The following RNF150 variants were observed in gnomAD, a reference collection of about 807,000 sequenced individuals.
The protein encoded by RNF150 is ring finger protein 150.
A neutral mutation model predicts 39.3 loss-of-function variants in RNF150; 24 were observed. That is an observed-to-expected ratio of 0.61 (90% CI 0.44 to 0.86). The LOEUF is 0.86. Among genes scored for constraint, RNF150 ranks in the 40% least tolerant of loss-of-function variants. The pLI is 0.00. For missense variants in RNF150, 502 were observed against 587.8 expected (o/e 0.85, Z 1.51); for synonymous variants, 255 against 227.3 (o/e 1.12, Z -1.10).
At chr4:141,198,278 C>T (rs376418728) in intron 1 of RNF150, among the ~76,000 whole-genome samples, 9 of 152,062 alleles carry the variant, frequency 5.9e-5, no homozygotes, top group Non-Finnish European at 8.8e-5. Flanking sequence ...CCACCTGCCT[C>T]GGCCTCCCAA....
intron 1 of RNF150, among the ~76,000 whole-genome samples, chr4:141,001,427 A>G (rs1382671549): frequency 1.3e-5 from 2 of 152,142 alleles, no homozygotes; most frequent in African/African-American, 4.8e-5. Flanking sequence ...GTCATTACTG[A>G]ATAAAGACTT....
chr4:140,927,528 C>T (rs1237831129), intron 4 of RNF150, among the ~76,000 whole-genome samples: 1 of 152,192 alleles, frequency 6.6e-6, no homozygotes, highest in Non-Finnish European at 1.5e-5. Flanking sequence ...CTGGCTCTCT[C>T]TTTGCCTTCT....
intron 2 of RNF150, among the ~76,000 whole-genome samples, chr4:140,960,884 C>T (rs2111404675): frequency 6.6e-6 from 1 of 152,220 alleles, no homozygotes. Flanking sequence ...AAACGTGACC[C>T]ATTTAACAAC....
At chr4:141,111,851 G>A (rs1030597012) in intron 1 of RNF150, among the ~76,000 whole-genome samples, 3 of 152,174 alleles carry the variant, frequency 2.0e-5, no homozygotes, top group East Asian at 1.9e-4. Flanking sequence ...TAAGAGTGTC[G>A]TGCTTTTATT....
chr4:141,076,429 G>A (rs1175650422), intron 1 of RNF150, among the ~76,000 whole-genome samples: 2 of 152,142 alleles, frequency 1.3e-5, no homozygotes, highest in Non-Finnish European at 2.9e-5. Context: ...TCAGGCCACA[G>A]GTTCTGAAGC....
intron 2 of RNF150, among the ~76,000 whole-genome samples, chr4:140,958,408 C>T (rs924687228): frequency 4.0e-4 from 61 of 152,176 alleles, no homozygotes; most frequent in African/African-American, 1.3e-3. Flanking sequence ...ACTGGCAACC[C>T]GCCCCTGGGT....
chr4:141,109,935 T>C (rs1410438248), intron 1 of RNF150, among the ~76,000 whole-genome samples: 2 of 152,160 alleles, frequency 1.3e-5, no homozygotes, highest in Non-Finnish European at 2.9e-5. Context: ...CAGTAGCCTC[T>C]GGCTTGCTGA....
rs958329518 is a variant in RNF150 at position 140,904,209 on chromosome 4, G to A, written c.1198+6935C>T. Among the ~76,000 whole-genome samples, 23 of 152,264 alleles carry A rather than the reference G, an allele frequency of 1.5e-4. No individual in the cohort carries two copies. In the South Asian group the frequency reaches 2.9e-3, roughly 19 times the overall value. ...TGATGTTGCTCTAGGGACCTGGCAC[G>A]TTAAGAGTCACGGAAATGATTGTCT... On this transcript the variant is annotated intron_variant, in intron 6 of 6. Transcript: ENST00000515673.
chr4:140,890,748 G>T (rs1472050113), intron 6 of RNF150, among the ~76,000 whole-genome samples: 1 of 152,192 alleles, frequency 6.6e-6, no homozygotes, highest in African/African-American at 2.4e-5. Context: ...TAAGCCACCA[G>T]GTCTATGTTA....
chr4:141,021,174 G>A (rs551715133), intron 1 of RNF150, among the ~76,000 whole-genome samples: 5 of 152,096 alleles, frequency 3.3e-5, no homozygotes, highest in South Asian at 2.1e-4. Context: ...GATATCAGCC[G>A]GGGATGGTAG....
intron 1 of RNF150, among the ~76,000 whole-genome samples, chr4:141,079,780 T>G (rs9884757): frequency 0.75 from 114,522 of 152,140 alleles, 43,692 homozygotes; most frequent in East Asian, 1. Flanking sequence ...AGATTTCATG[T>G]CTGGCATTTA....
rs185525805 is a variant in RNF150, at chr4:140,866,109, A to G, written c.*2152T>C. On this transcript the variant is annotated 3_prime_UTR_variant, in exon 7 of 7. Coordinates refer to ENST00000515673, the MANE Select transcript of RNF150 (RefSeq NM_020724.2). ...TTTTTAAACAAGGCAAAACAAACCA[A>G]CTCCTACTTGGACTTAAAACTTCAA... 2.0e-5 allele frequency: 3 copies of G among 152,204 alleles called. No individual in the cohort carries two copies. The highest frequency in any genetic ancestry group is 3.9e-4 in the East Asian group (2 of 5,170). 9.4% of individuals were successfully genotyped at this position (152,204 alleles called of 1,614,324 possible). A position where few individuals can be genotyped will look rare whatever the true frequency, so the allele number is the denominator to read the frequency against.
chr4:140,904,916 T>A (rs1730320041), intron 6 of RNF150, among the ~76,000 whole-genome samples: 1 of 152,266 alleles, frequency 6.6e-6, no homozygotes, highest in African/African-American at 2.4e-5. Context: ...AAATGTCATT[T>A]AATTTTAAGA....
intron 1 of RNF150, among the ~76,000 whole-genome samples, chr4:141,178,875 T>G (rs1033838580): frequency 6.6e-6 from 1 of 152,098 alleles, no homozygotes; most frequent in Non-Finnish European, 1.5e-5. Context: ...CACTAGAATA[T>G]GTGTTCCTAC....
intron 1 of RNF150, among the ~76,000 whole-genome samples, chr4:141,116,935 G>A (rs1406756641): frequency 3.3e-5 from 5 of 151,706 alleles, no homozygotes; most frequent in African/African-American, 7.3e-5. Context: ...AGTGGGAGCT[G>A]AAGGATGAGA....
At chr4:141,160,174 C>G (rs1057385080) in intron 1 of RNF150, among the ~76,000 whole-genome samples, 10 of 152,252 alleles carry the variant, frequency 6.6e-5, no homozygotes, top group African/African-American at 2.4e-4. Flanking sequence ...TGAAAAATCA[C>G]TATTACATAG....
intron 1 of RNF150, among the ~76,000 whole-genome samples, chr4:141,117,327 G>A (rs6537030): frequency 0.77 from 116,967 of 152,066 alleles, 46,025 homozygotes; most frequent in East Asian, 0.88. Context: ...ATTTTTGTGG[G>A]AAACAATGTT....
Position 140,862,416 on chromosome 4 carries a change from A to G in RNF150, c.*5845T>C, listed in dbSNP as rs1408989117. 1 of 152,182 alleles carries G rather than the reference A, an allele frequency of 6.6e-6. No homozygotes were observed. The highest frequency in any genetic ancestry group is 1.5e-5 in the Non-Finnish European group (1 of 68,034). 9.4% of individuals were successfully genotyped at this position (152,182 alleles called of 1,614,324 possible). ...AAGCACTCAAGGCAGGTGAAGAGAG[A>G]TGTGACTGACCTTAGCAGGTTCTTG... On this transcript the variant is annotated 3_prime_UTR_variant, in exon 7 of 7. Transcript: ENST00000515673.
chr4:140,992,737 A>G (rs1039425709), intron 1 of RNF150, among the ~76,000 whole-genome samples: 3 of 152,128 alleles, frequency 2.0e-5, no homozygotes, highest in Non-Finnish European at 4.4e-5. Flanking sequence ...GTCATGAGCC[A>G]TTCTCCTCCC....
Sources: allele counts gnomAD v4.1 joint callset (sites outside exome capture counted in the v4.1 genomes callset), GRCh38; gene constraint gnomAD v4.1.1; transcripts MANE v1.5; gene names NCBI Gene and HGNC (gene_info 2026-07-23, HGNC 2026-07-21).